GABRB1: variants seen among roughly 807,000 people sequenced by gnomAD.
GABRB1 encodes gamma-aminobutyric acid receptor subunit beta-1.
GABRB1 carries 17 observed loss-of-function variants against 51.6 expected under a neutral mutation model. That is an observed-to-expected ratio of 0.33 (90% CI 0.23 to 0.49). The LOEUF is 0.49. GABRB1 is among the 20% of genes least tolerant of loss of function. The probability of loss-of-function intolerance (pLI) is 0.99; values close to 1 mark genes in which losing one functional copy is unlikely to be tolerated. For synonymous variants in GABRB1, 247 were observed against 218.9 expected (o/e 1.13, Z -1.14); for missense variants, 410 against 600.6 (o/e 0.68, Z 3.32).
chr4:47,052,812 T>C (rs1236715938), intron 3 of GABRB1, among the ~76,000 whole-genome samples: 1 of 152,110 alleles, frequency 6.6e-6, no homozygotes, highest in Non-Finnish European at 1.5e-5. Context: ...TTCTGAAGCA[T>C]CCAATGGATC....
chr4:47,297,332 A>G (rs1724042269), intron 4 of GABRB1, among the ~76,000 whole-genome samples: 1 of 128,032 alleles, frequency 7.8e-6, no homozygotes, highest in Non-Finnish European at 1.7e-5. Flanking sequence ...TGGTTTTTTG[A>G]AAGGATCAAC....
At chr4:47,103,844 C>G (rs1269196768) in intron 3 of GABRB1, among the ~76,000 whole-genome samples, 1 of 151,784 alleles carries the variant, frequency 6.6e-6, no homozygotes, top group Non-Finnish European at 1.5e-5. Flanking sequence ...CTCCAAAGAC[C>G]AGCATTTTGT....
rs71654862 is a variant in GABRB1, at chr4:47,087,541, CT to C, written c.240+55071del. Among the ~76,000 whole-genome samples, 789 of 139,400 alleles carry C rather than the reference CT, an allele frequency of 5.7e-3. 2 individuals are homozygous for C. Among genetic ancestry groups the C allele is most frequent in the East Asian group, 0.02 (98 of 4,880 alleles). The allele number at this position is 139,400 out of a possible 152,430, so 91.5% of individuals were successfully genotyped here. A position where few individuals can be genotyped will look rare whatever the true frequency, so the allele number is the denominator to read the frequency against. On this transcript the variant is annotated intron_variant, in intron 3 of 8. Transcript: ENST00000295454. ...GCGCTGCATCCCCCGTTAGCACTTTCTTTTTTTTTTTTTTATTATACTTTAA... is the reference window on the plus strand; with the variant it reads ...GCGCTGCATCCCCCGTTAGCACTTTCTTTTTTTTTTTTTATTATACTTTAA...
At chr4:47,364,615 G>A (rs901390907) in intron 5 of GABRB1, among the ~76,000 whole-genome samples, 1 of 151,140 alleles carries the variant, frequency 6.6e-6, no homozygotes, top group Non-Finnish European at 1.5e-5. Flanking sequence ...ACTAAAACCA[G>A]TGAGACTAAA....
chr4:47,301,288 G>A (rs184094443), intron 4 of GABRB1, among the ~76,000 whole-genome samples: 4 of 152,160 alleles, frequency 2.6e-5, no homozygotes, highest in Admixed American at 2.0e-4. Context: ...ATGGTTCATG[G>A]GCAATCAGTT....
chr4:47,204,481 G>A (rs1720035279), intron 4 of GABRB1, among the ~76,000 whole-genome samples: 1 of 151,928 alleles, frequency 6.6e-6, no homozygotes, highest in Non-Finnish European at 1.5e-5. Context: ...TTCTCACTCT[G>A]CTCCCCCTAA....
At chr4:47,088,381 G>A (rs976375416) in intron 3 of GABRB1, among the ~76,000 whole-genome samples, 6 of 152,168 alleles carry the variant, frequency 3.9e-5, no homozygotes, top group African/African-American at 9.7e-5. Context: ...GATACAGGAG[G>A]CCTCTCTAAG....
intron 5 of GABRB1, among the ~76,000 whole-genome samples, chr4:47,370,119 T>TCCC (rs1727134679): frequency 6.6e-6 from 1 of 152,136 alleles, no homozygotes; most frequent in Non-Finnish European, 1.5e-5. Flanking sequence ...CAAAAATAAT[T>TCCC]TTATTTTTCT....
At chr4:47,246,732 A>G (rs1047989471) in intron 4 of GABRB1, among the ~76,000 whole-genome samples, 6 of 151,844 alleles carry the variant, frequency 4.0e-5, no homozygotes, top group Admixed American at 6.6e-5. Flanking sequence ...TCAAAGGAGT[A>G]AGGTGGTATC....
At chr4:47,333,715 C>A (rs892115671) in intron 5 of GABRB1, among the ~76,000 whole-genome samples, 4 of 151,910 alleles carry the variant, frequency 2.6e-5, no homozygotes, top group Admixed American at 6.6e-5. Flanking sequence ...AACATCATCA[C>A]CCCACCCCCC....
At chr4:47,341,846 C>T (rs1725911820) in intron 5 of GABRB1, among the ~76,000 whole-genome samples, 1 of 152,152 alleles carries the variant, frequency 6.6e-6, no homozygotes, top group African/African-American at 2.4e-5. Flanking sequence ...ACATTCATAT[C>T]TATGAGTAGT....
chr4:47,006,067 GA>G (rs1724389462), intron 1 of GABRB1, among the ~76,000 whole-genome samples: 1 of 150,866 alleles, frequency 6.6e-6, no homozygotes, highest in Admixed American at 6.7e-5. Flanking sequence ...GTAAAAATCA[GA>G]CACTATTTTT....
At chr4:47,406,377 A>G (rs142208382) in intron 7 of GABRB1, among the ~76,000 whole-genome samples, 412 of 152,368 alleles carry the variant, frequency 2.7e-3, no homozygotes, top group African/African-American at 9.0e-3. Context: ...ATTCAATAGC[A>G]GGATTTCAAT....
chr4:47,090,813 G>T (rs528489419), intron 3 of GABRB1, among the ~76,000 whole-genome samples: 1 of 150,046 alleles, frequency 6.7e-6, no homozygotes, highest in African/African-American at 2.4e-5. Context: ...GCAATTTGAG[G>T]CCTACATGCC....
chr4:47,184,576 T>C (rs982808963), intron 4 of GABRB1, among the ~76,000 whole-genome samples: 3 of 151,912 alleles, frequency 2.0e-5, no homozygotes, highest in African/African-American at 7.2e-5. Flanking sequence ...CTCAGTCCTT[T>C]TTGCAAGTTA....
intron 5 of GABRB1, among the ~76,000 whole-genome samples, chr4:47,350,662 A>G (rs1343230317): frequency 6.6e-6 from 1 of 152,228 alleles, no homozygotes; most frequent in Admixed American, 6.5e-5. Flanking sequence ...TGGTAACAGA[A>G]TGTGACTGTA....
chr4:47,399,564 G>A (rs974052021), intron 5 of GABRB1, among the ~76,000 whole-genome samples: 3 of 152,074 alleles, frequency 2.0e-5, no homozygotes, highest in Admixed American at 6.5e-5. Context: ...ATTCTTTACC[G>A]TTCCTCTCTT....
At chr4:47,013,294 A>G (rs1464774471) in intron 1 of GABRB1, among the ~76,000 whole-genome samples, 1 of 152,160 alleles carries the variant, frequency 6.6e-6, no homozygotes, top group African/African-American at 2.4e-5. Flanking sequence ...ACTTTTAGAA[A>G]TAAGCTGGGT....
At chr4:47,271,281 G>A (rs1339050276) in intron 4 of GABRB1, among the ~76,000 whole-genome samples, 4 of 151,864 alleles carry the variant, frequency 2.6e-5, no homozygotes, top group African/African-American at 9.7e-5. Flanking sequence ...TTTAAGTTTG[G>A]CCACAGAGAT....
Sources: gnomAD v4.1 joint callset for allele counts (sites outside exome capture counted in the v4.1 genomes callset) on GRCh38, gnomAD v4.1.1 for gene constraint, MANE v1.5 for transcripts, NCBI Gene and HGNC (gene_info 2026-07-23, HGNC 2026-07-21) for gene names.